The following PHLPP2 variants were observed in gnomAD, a reference collection of about 807,000 sequenced individuals.
PHLPP2 encodes PH domain leucine-rich repeat-containing protein phosphatase 2.
PHLPP2 carries 66 observed loss-of-function variants against 124.9 expected under a neutral mutation model. That is an observed-to-expected ratio of 0.53 (90% CI 0.43 to 0.65). The LOEUF (loss-of-function observed/expected upper bound fraction) is 0.65. PHLPP2 is among the 30% of genes least tolerant of loss of function. The probability of loss-of-function intolerance (pLI) is 0.00; values close to 1 mark genes in which losing one functional copy is unlikely to be tolerated. For missense variants in PHLPP2, 1,685 were observed against 1,600.4 expected, an observed-to-expected ratio of 1.05 and a Z score of -0.90; for synonymous variants, 681 against 624.7, an observed-to-expected ratio of 1.09 and a Z score of -1.34.
Position 71,646,930 on chromosome 16 carries a change from G to C in PHLPP2, c.*1960C>G, listed in dbSNP as rs996488604. The C allele has an allele frequency of 1.3e-5, 2 of 152,490 alleles. No individual in the cohort carries two copies. Among genetic ancestry groups the C allele is most frequent in the Non-Finnish European group, 2.9e-5 (2 of 68,028 alleles). The allele number at this position is 152,490 out of a possible 1,614,324, so 9.4% of individuals were successfully genotyped here. ...CATTAGAGTGTACCAAATCCCCCAAGAGTGTATCCCAATGACACGTGCATA... is the reference window on the plus strand; with the variant it reads ...CATTAGAGTGTACCAAATCCCCCAACAGTGTATCCCAATGACACGTGCATA... On this transcript the variant is annotated 3_prime_UTR_variant, in exon 19 of 19. Transcript: ENST00000568954.
At chr16:71,723,823 C>CG (rs1161540718) in intron 1 of PHLPP2, 24 of 1,259,610 alleles carry the variant, frequency 1.9e-5, no homozygotes, top group Non-Finnish European at 2.2e-5. Flanking sequence ...CGGGCGGCTC[C>CG]GGGGGCTCCA....
chr16:71,660,772 T>G (rs1383422027), intron 13 of PHLPP2, among the ~76,000 whole-genome samples: 2 of 152,116 alleles, frequency 1.3e-5, no homozygotes, highest in Non-Finnish European at 2.9e-5. Context: ...AATCTCGTGC[T>G]TTTTTCCCTT....
chr16:71,659,156 C>T (rs961033795), intron 13 of PHLPP2, among the ~76,000 whole-genome samples: 3 of 151,698 alleles, frequency 2.0e-5, no homozygotes, highest in Non-Finnish European at 4.4e-5. Context: ...CACTAACTAG[C>T]GGCAAAATAC....
rs981968788 is a variant in PHLPP2 at position 71,679,471 on chromosome 16, A to G, written c.955T>C (p.Cys319Arg). 8.7e-6 allele frequency: 14 copies of G among 1,613,628 alleles called. No individual in the cohort carries two copies. Among genetic ancestry groups the G allele is most frequent in the Non-Finnish European group, 1.0e-5 (12 of 1,179,580 alleles). Residue 319 changes from cysteine to arginine, a missense_variant, in exon 7 of 19, where the codon TGC becomes CGC. Cys to Arg is a radical substitution (Grantham distance 180). Transcript: ENST00000568954. Reference protein sequence around the residue: ...NKLGLFPILLCEISTLTELNL... With the variant: ...NKLGLFPILLREISTLTELNL... Reference sequence around the variant, plus strand: ...AGCTCAGTCAGGGTAGAGATCTCGCATAACAATATAGGAAACAACCCAAGT... The same window carrying G: ...AGCTCAGTCAGGGTAGAGATCTCGCGTAACAATATAGGAAACAACCCAAGT...
rs114919842 is a variant in PHLPP2 at position 71,700,279 on chromosome 16, C to T, written c.418+2319G>A. Among the ~76,000 whole-genome samples the T allele has an allele frequency of 6.2e-3, 947 of 152,044 alleles. 13 individuals are homozygous for T. Among genetic ancestry groups the T allele is most frequent in the African/African-American group, 0.02 (839 of 41,472 alleles). On this transcript the variant is annotated intron_variant, in intron 3 of 18. Coordinates refer to ENST00000568954, the MANE Select transcript of PHLPP2 (RefSeq NM_015020.3). Reference sequence around the variant, plus strand: ...AATTAGCCAGGTGCAGTGGTGCGCACGTGTAGTTCCAGCTACTTGGGAGGC... The same window carrying T: ...AATTAGCCAGGTGCAGTGGTGCGCATGTGTAGTTCCAGCTACTTGGGAGGC...
intron 10 of PHLPP2, among the ~76,000 whole-genome samples, chr16:71,670,898 G>C (rs1002534103): frequency 8.5e-5 from 13 of 152,122 alleles, no homozygotes; most frequent in Non-Finnish European, 1.9e-4. Flanking sequence ...GTGGGTGTTT[G>C]GAAGCTGAGG....
Position 71,702,679 on chromosome 16 carries a change from T to C in PHLPP2, c.337A>G (p.Arg113Gly), listed in dbSNP as rs1043545428. The change falls in exon 3 of 19, where the codon AGG (arginine) becomes GGG (glycine). Residue 113 changes from arginine (R) to glycine (G), a missense_variant. By Grantham distance (125) the Arg-to-Gly change is moderately radical. Transcript: ENST00000568954. ...PLQIVYDYLS[R>G]LGFDDPVRIQ... The stretch of plus-strand genomic sequence containing the variant: ...CGCACAGGATCATCAAATCCCAGCC[T>C]GGATAAGTAATCATAAACGATCTGA... 6.2e-7 allele frequency: 1 copy of C among 1,611,142 alleles called. No homozygotes were observed.
Position 71,691,937 on chromosome 16 carries a change from C to CA in PHLPP2, c.419-1229dup, listed in dbSNP as rs576293602. The stretch of plus-strand genomic sequence containing the variant: ...ATAGTAAGACCCTGTGTCTTAAAAA[C>CA]AAAAAAAAACAAAACAACAACAACA... On this transcript the variant is annotated intron_variant, in intron 3 of 18. Transcript: ENST00000568954. 2.5e-3 allele frequency among the ~76,000 whole-genome samples: 369 copies of CA among 147,872 alleles called. 3 individuals are homozygous for CA. Among genetic ancestry groups the CA allele is most frequent in the South Asian group, 8.4e-3 (39 of 4,654 alleles).
intron 13 of PHLPP2, among the ~76,000 whole-genome samples, chr16:71,660,885 A>G (rs1364006353): frequency 6.6e-6 from 1 of 152,178 alleles, no homozygotes; most frequent in Non-Finnish European, 1.5e-5. Context: ...TTCAAAAGAA[A>G]CAAACAAGAT....
Position 71,678,749 on chromosome 16 carries a change from C to A in PHLPP2, c.1268+6G>T, listed in dbSNP as rs1281292862. ...TAAAGGAAGGTGTGGTAAAGAATAA[C>A]CTTACCTTAAATCCACATGCTTGAT... is the stretch of plus-strand genomic sequence containing the variant. On this transcript the variant is annotated splice_donor_region_variant and intron_variant, in intron 8 of 18. Coordinates refer to ENST00000568954, the MANE Select transcript of PHLPP2 (RefSeq NM_015020.3). The A allele has an allele frequency of 6.9e-7, 1 of 1,457,836 alleles. No individual in the cohort carries two copies. Among genetic ancestry groups the A allele is most frequent in the Non-Finnish European group, 9.6e-7 (1 of 1,037,694 alleles). The allele number at this position is 1,457,836 out of a possible 1,614,324, so 90.3% of individuals were successfully genotyped here.
At chr16:71,684,696 A>T in intron 4 of PHLPP2, 95 bp from the exon 5 acceptor site, 18 of 1,203,704 alleles carry the variant, frequency 1.5e-5, no homozygotes, top group Non-Finnish European at 1.7e-5. Flanking sequence ...CTGAATTTTT[A>T]AAAATAGTTA....
chr16:71,719,513 G>A (rs376582120), intron 1 of PHLPP2, among the ~76,000 whole-genome samples: 1 of 152,022 alleles, frequency 6.6e-6, no homozygotes, highest in African/African-American at 2.4e-5. Flanking sequence ...GTACTCCAGC[G>A]TGGGCTACAC....
At chr16:71,693,778 A>C (rs746153134) in intron 3 of PHLPP2, among the ~76,000 whole-genome samples, 1 of 152,210 alleles carries the variant, frequency 6.6e-6, no homozygotes, top group Non-Finnish European at 1.5e-5. Flanking sequence ...TTTTTAAAGA[A>C]CCAACTCAAA....
chr16:71,653,719 C>A (rs2044716071), intron 17 of PHLPP2, among the ~76,000 whole-genome samples: 1 of 152,158 alleles, frequency 6.6e-6, no homozygotes, highest in Non-Finnish European at 1.5e-5. Flanking sequence ...TGCTACAATT[C>A]CTGGCTTGAG....
At chr16:71,702,046 T>C (rs926942229) in intron 3 of PHLPP2, among the ~76,000 whole-genome samples, 7 of 152,164 alleles carry the variant, frequency 4.6e-5, no homozygotes, top group Non-Finnish European at 7.4e-5. Flanking sequence ...CACAATCAGA[T>C]AAGAAGCATG....
chr16:71,649,466 C>G lies in PHLPP2; in HGVS notation c.3396G>C (p.Gln1132His), dbSNP rs1240508456. 1 of 1,614,146 alleles carries G rather than the reference C, an allele frequency of 6.2e-7. No homozygotes were observed. The highest frequency in any genetic ancestry group is 1.3e-5 in the African/African-American group (1 of 75,042). The change falls in exon 19 of 19, where the codon CAG becomes CAC. Residue 1132 changes from glutamine (Q) to histidine (H), a missense_variant. Coordinates refer to ENST00000568954, the MANE Select transcript of PHLPP2 (RefSeq NM_015020.3). ...PTPTSGLFQR[Q>H]PSSATFSSNQ... is the part of the protein sequence containing the mutation. The stretch of plus-strand genomic sequence containing the variant: ...TACTGGAGAAGGTAGCAGAAGAAGG[C>G]TGGCGCTGAAACAGCCCAGAGGTGG...
rs536200948 is a variant in PHLPP2, at chr16:71,696,204, T to A, written c.419-5495A>T. On this transcript the variant is annotated intron_variant, in intron 3 of 18. Coordinates refer to ENST00000568954, the MANE Select transcript of PHLPP2 (RefSeq NM_015020.3). ...GAAGCTTTAAATATGCAAATTAACA[T>A]GAGATAGTATTTTTGCAATCGGGGA... Among the ~76,000 whole-genome samples the A allele has an allele frequency of 2.2e-4, 33 of 152,278 alleles. 1 individual carries two copies. The highest frequency in any genetic ancestry group is 7.5e-4 in the African/African-American group (31 of 41,566).
chr16:71,688,038 C>T (rs990336682), intron 4 of PHLPP2, among the ~76,000 whole-genome samples: 2 of 152,204 alleles, frequency 1.3e-5, no homozygotes, highest in Non-Finnish European at 2.9e-5. Flanking sequence ...CTTCCTCAAA[C>T]GTTACACTGG....
chr16:71,658,975 T>C (rs1053076234), intron 13 of PHLPP2, among the ~76,000 whole-genome samples, 160 bp from the exon 14 acceptor site: 8 of 152,132 alleles, frequency 5.3e-5, no homozygotes, highest in Non-Finnish European at 4.4e-5. Flanking sequence ...GGAAAGGCAA[T>C]GGCTCAAGAA....
Sources: gnomAD v4.1 joint callset for allele counts (sites outside exome capture counted in the v4.1 genomes callset) on GRCh38, gnomAD v4.1.1 for gene constraint, MANE v1.5 for transcripts, NCBI Gene and HGNC (gene_info 2026-07-23, HGNC 2026-07-21) for gene names.